Variants in DNAH14 observed in about 807,000 individuals in gnomAD.
DNAH14 encodes axonemal beta dynein heavy chain 14.
A neutral mutation model predicts 520.9 loss-of-function variants in DNAH14; 478 were observed. The ratio of observed to expected loss-of-function variants is 0.92; its 90% CI spans 0.85 to 0.99. DNAH14 has a LOEUF of 0.99. Ranked by LOEUF, DNAH14 falls within the 50% of genes least tolerant of loss-of-function variation. DNAH14 has a pLI of 0.00. For missense variants in DNAH14, 4,831 were observed against 5,234.5 expected (o/e 0.92, Z 2.38); for synonymous variants, 1,581 against 1,757.2 (o/e 0.90, Z 2.51).
rs1056297081 is a variant in DNAH14 at position 225,152,105 on chromosome 1, A to G, written c.5009+32A>G. On this transcript the variant is annotated intron_variant, in intron 32 of 85. Transcript: ENST00000682510. ...ATCAGTAAATCTAGTGGGAATAGACACAGACAAAAATCATTTTCTTAAATC... is the reference window on the plus strand; with the variant it reads ...ATCAGTAAATCTAGTGGGAATAGACGCAGACAAAAATCATTTTCTTAAATC... 18 of 1,510,438 alleles carry G rather than the reference A, an allele frequency of 1.2e-5. No homozygotes were observed. The African/African-American group carries it at 2.1e-4, about 18-fold the overall frequency. 93.6% of individuals were successfully genotyped at this position (1,510,438 alleles called of 1,614,324 possible).
chr1:224,946,296 C>T (rs2059824745), intron 1 of DNAH14, among the ~76,000 whole-genome samples: 1 of 151,542 alleles, frequency 6.6e-6, no homozygotes, highest in African/African-American at 2.4e-5. Context: ...CCGAGCCAGA[C>T]ATGGGATATA....
chr1:225,016,023 C>T (rs549040374), intron 10 of DNAH14, among the ~76,000 whole-genome samples: 34 of 152,286 alleles, frequency 2.2e-4, no homozygotes, highest in Non-Finnish European at 7.4e-5. Flanking sequence ...TGTCCACTCA[C>T]GAGGGCCCTT....
chr1:225,192,837 T>C lies in DNAH14; in HGVS notation c.5812T>C (p.Tyr1938His). 5.8e-6 allele frequency: 9 copies of C among 1,550,248 alleles called. No homozygotes were observed. The highest frequency in any genetic ancestry group is 7.9e-6 in the Non-Finnish European group (9 of 1,146,098). Residue 1938 changes from tyrosine (Y) to histidine (H), a missense_variant, in exon 38 of 86, where the codon TAT becomes CAT. Physicochemically the swap from Tyr to His is moderately conservative, Grantham distance 83. Transcript: ENST00000682510. ...LLSATIRSYVYFNTPKNTKKD... is the reference protein window; with the variant it reads ...LLSATIRSYVHFNTPKNTKKD... Reference sequence around the variant, plus strand: ...ATCAGCAACAATTCGAAGTTATGTATATTTTAACACACCAAAGAACACAAA... The same window carrying C: ...ATCAGCAACAATTCGAAGTTATGTACATTTTAACACACCAAAGAACACAAA...
At chr1:225,307,771 C>A (rs1181492886) in intron 59 of DNAH14, among the ~76,000 whole-genome samples, 5 of 152,034 alleles carry the variant, frequency 3.3e-5, no homozygotes. Context: ...GCAGTAACAG[C>A]AAAACAGTAA....
chr1:225,214,400 T>C (rs2088959822), intron 41 of DNAH14, among the ~76,000 whole-genome samples: 1 of 152,218 alleles, frequency 6.6e-6, no homozygotes, highest in Non-Finnish European at 1.5e-5. Context: ...CCAGCTTTGG[T>C]ATCAGGATGA....
chr1:225,068,737 G>A (rs2148474311), intron 17 of DNAH14, among the ~76,000 whole-genome samples: 1 of 152,014 alleles, frequency 6.6e-6, no homozygotes, highest in East Asian at 1.9e-4. Context: ...TTTATGATTT[G>A]GCTATCAGCT....
intron 25 of DNAH14, 76 bp from the exon 26 acceptor site, chr1:225,119,144 C>A: frequency 8.9e-7 from 1 of 1,127,642 alleles, no homozygotes; most frequent in Non-Finnish European, 1.2e-6. Context: ...AAAATTTAGT[C>A]TACAGGCTTG....
chr1:225,246,467 G>C (rs1054611885), intron 43 of DNAH14, among the ~76,000 whole-genome samples: 1 of 152,086 alleles, frequency 6.6e-6, no homozygotes, highest in East Asian at 1.9e-4. Context: ...AGAAAATTTT[G>C]CGATCTATCC....
intron 77 of DNAH14, among the ~76,000 whole-genome samples, chr1:225,373,122 G>A (rs371938990): frequency 1.4e-5 from 2 of 142,802 alleles, no homozygotes; most frequent in East Asian, 2.3e-4. Context: ...ATTGATAGCC[G>A]ATGTATTGTC....
chr1:225,002,959 T>C, intron 9 of DNAH14, 32 bp downstream of exon 9: 2 of 1,470,166 alleles, frequency 1.4e-6, no homozygotes, highest in South Asian at 1.4e-5. Flanking sequence ...TAAGCTAATA[T>C]TGGTATATAG....
At chr1:224,979,537 A>G (rs779721270) in intron 8 of DNAH14, among the ~76,000 whole-genome samples, 6 of 152,190 alleles carry the variant, frequency 3.9e-5, no homozygotes, top group Non-Finnish European at 5.9e-5. Context: ...GTGGTCCTAA[A>G]TAAACTTGAA....
In DNAH14 at chr1:225,192,921, G is replaced by A. The variant is rs114945420; in HGVS notation, c.5886+10G>A. On this transcript the variant is annotated intron_variant, in intron 38 of 85. Coordinates refer to ENST00000682510, the MANE Select transcript of DNAH14 (RefSeq NM_001367479.1). ...CTCAGATTTATCCAATGTAAGTTTA[G>A]TATTGAATGAATGTTTTTATTTAAC... The A allele has an allele frequency of 7.5e-3, 11,452 of 1,527,572 alleles. 411 individuals carry two copies. The African/African-American group carries it at 0.081, about 11-fold the overall frequency. The allele number at this position is 1,527,572 out of a possible 1,614,324, so 94.6% of individuals were successfully genotyped here.
At chr1:224,982,271 T>G (rs1352196061) in intron 8 of DNAH14, among the ~76,000 whole-genome samples, 1 of 152,216 alleles carries the variant, frequency 6.6e-6, no homozygotes, top group Non-Finnish European at 1.5e-5. Flanking sequence ...CAGGGCTGGC[T>G]GCAGTGTCAA....
At chr1:225,059,182 A>T (rs1236563291) in intron 17 of DNAH14, among the ~76,000 whole-genome samples, 1 of 152,164 alleles carries the variant, frequency 6.6e-6, no homozygotes, top group Non-Finnish European at 1.5e-5. Flanking sequence ...TAGGTCTCCA[A>T]GGACTTGCTT....
intron 60 of DNAH14, among the ~76,000 whole-genome samples, chr1:225,313,812 GT>G (rs1204273057): frequency 6.6e-6 from 1 of 152,144 alleles, no homozygotes; most frequent in Admixed American, 6.5e-5. Flanking sequence ...GAGACTGTTT[GT>G]TATGATTTCC....
At chr1:225,161,925 G>A (rs1182249500) in intron 35 of DNAH14, among the ~76,000 whole-genome samples, 1 of 152,176 alleles carries the variant, frequency 6.6e-6, no homozygotes, top group African/African-American at 2.4e-5. Context: ...CAGATGGGTA[G>A]TTTGTAAATA....
intron 5 of DNAH14, among the ~76,000 whole-genome samples, chr1:224,965,540 G>A (rs977892445): frequency 4.6e-5 from 7 of 151,912 alleles, no homozygotes; most frequent in Non-Finnish European, 7.4e-5. Context: ...GGATGTGACC[G>A]TGTTCCAATA....
At chr1:225,219,888 C>T (rs2089866294) in intron 41 of DNAH14, among the ~76,000 whole-genome samples, 1 of 152,162 alleles carries the variant, frequency 6.6e-6, no homozygotes, top group African/African-American at 2.4e-5. Flanking sequence ...CCCTGATGAA[C>T]ATCAATGTGA....
intron 36 of DNAH14, among the ~76,000 whole-genome samples, chr1:225,170,769 C>G (rs1287803433): frequency 6.6e-6 from 1 of 152,144 alleles, no homozygotes; most frequent in Non-Finnish European, 1.5e-5. Context: ...CCAAGCGGAC[C>G]TAATAGACAT....
Sources: allele counts gnomAD v4.1 joint callset (sites outside exome capture counted in the v4.1 genomes callset), GRCh38; gene constraint gnomAD v4.1.1; transcripts MANE v1.5; gene names NCBI Gene and HGNC (gene_info 2026-07-23, HGNC 2026-07-21).